Variants in ADAMTS13 observed in about 807,000 individuals in gnomAD.
ADAMTS13 encodes the protein ADAM metallopeptidase with thrombospondin type 1 motif 13, also known as A disintegrin and metalloproteinase with thrombospondin motifs 13.
Under a neutral mutation model 155.1 loss-of-function variants are expected in ADAMTS13, and 110 were observed. That is an observed-to-expected ratio of 0.71 (90% CI 0.61 to 0.83). ADAMTS13 has a LOEUF of 0.83. Among genes scored for constraint, ADAMTS13 ranks in the 40% least tolerant of loss-of-function variants. The pLI is 0.00. For missense variants in ADAMTS13, 1,707 were observed against 1,891.7 expected (o/e 0.90, Z 1.81); for synonymous variants, 758 against 756.4 (o/e 1.00, Z -0.03).
At position 133,438,382 on chromosome 9, in the gene ADAMTS13, C is replaced by G. The variant is rs200427412; in HGVS notation, c.1705+16C>G. 805 of 1,613,226 alleles carry G rather than the reference C, an allele frequency of 5.0e-4. 3 individuals are homozygous for G. The highest frequency in any genetic ancestry group is 5.0e-3 in the African/African-American group (374 of 75,018). ...AGAGCGAGAGGTAGGCGGCCTCCCT[C>G]GGGGCAGAGGCTGGGCTTCCCCCAG... On this transcript the variant is annotated intron_variant, in intron 14 of 28. Coordinates refer to ENST00000355699, the MANE Select transcript of ADAMTS13 (RefSeq NM_139027.6).
intron 21 of ADAMTS13, among the ~76,000 whole-genome samples, chr9:133,447,703 C>T (rs1223984090): frequency 1.3e-5 from 2 of 151,990 alleles, no homozygotes; most frequent in African/African-American, 4.8e-5. Flanking sequence ...ATTCTCATGC[C>T]TCAGCCTCCT....
In ADAMTS13 at chr9:133,454,304, G is replaced by A. The variant is rs145798616; in HGVS notation, c.3045-111G>A. On this transcript the variant is annotated intron_variant, in intron 23 of 28. Coordinates refer to ENST00000355699, the MANE Select transcript of ADAMTS13 (RefSeq NM_139027.6). Reference sequence around the variant, plus strand: ...TGCACTTTCCATCTTGCCTGGCCACGGAAGCTGTCTAGGCAACTGTCCGAG... The same window carrying A: ...TGCACTTTCCATCTTGCCTGGCCACAGAAGCTGTCTAGGCAACTGTCCGAG... 1.0e-3 allele frequency: 1,380 copies of A among 1,333,378 alleles called. 2 individuals are homozygous for A. Among genetic ancestry groups the A allele is most frequent in the Non-Finnish European group, 1.3e-3 (1,210 of 939,864 alleles). 82.6% of individuals were successfully genotyped at this position (1,333,378 alleles called of 1,614,324 possible).
At chr9:133,415,586 A>G (rs1056239973) in intron 1 of ADAMTS13, 1 of 152,886 alleles carries the variant, frequency 6.5e-6, no homozygotes, top group Non-Finnish European at 1.5e-5. Flanking sequence ...CTTAGAGCCC[A>G]GCTTCCTCCC....
chr9:133,442,832 G>A, intron 18 of ADAMTS13, 89 bp downstream of exon 18: 2 of 1,499,984 alleles, frequency 1.3e-6, no homozygotes, highest in Admixed American at 2.1e-5. Context: ...TGGGGCCCAT[G>A]TGGCAGGGCC....
intron 1 of ADAMTS13, among the ~76,000 whole-genome samples, chr9:133,416,054 GA>G (rs1839576733): frequency 6.6e-6 from 1 of 152,136 alleles, no homozygotes; most frequent in Non-Finnish European, 1.5e-5. Flanking sequence ...AATTTATAAA[GA>G]AAAAACGTTT....
rs1020757396 is a variant in ADAMTS13 at position 133,422,690 on chromosome 9, T to C, written c.105+142T>C. The C allele has an allele frequency of 8.0e-5, 63 of 791,366 alleles. No individual in the cohort carries two copies. The East Asian group carries it at 1.5e-3, about 18-fold the overall frequency. The allele number at this position is 791,366 out of a possible 1,614,324, so 49.0% of individuals were successfully genotyped here. A position where few individuals can be genotyped will look rare whatever the true frequency, so the allele number is the denominator to read the frequency against. On this transcript the variant is annotated intron_variant, in intron 1 of 28. Transcript: ENST00000355699. ...GGGCAGGGGAGTCTGTACTTGGGGC[T>C]TTGGGGGATGAAGTGTGCTCACTGA... is the stretch of plus-strand genomic sequence containing the variant.
At position 133,445,898 on chromosome 9, in the gene ADAMTS13, A is replaced by G; in HGVS notation, c.2731+79A>G. 6.7e-7 allele frequency: 1 copy of G among 1,499,776 alleles called. No homozygotes were observed. The highest frequency in any genetic ancestry group is 8.9e-7 in the Non-Finnish European group (1 of 1,124,930). The allele number at this position is 1,499,776 out of a possible 1,614,324, so 92.9% of individuals were successfully genotyped here. A position where few individuals can be genotyped will look rare whatever the true frequency, so the allele number is the denominator to read the frequency against. On this transcript the variant is annotated intron_variant, in intron 21 of 28. Transcript: ENST00000355699. The surrounding 1 kb of genome is among the most constrained non-coding windows in gnomAD (Gnocchi z 5.0). ...CCACTTGCATCTTGCCTCGTTCTGA[A>G]AAGCATTTGAGGTGGATTGCAGAAA...
At chr9:133,437,655 T>A (rs1841336585) in intron 12 of ADAMTS13, 94 bp from the exon 13 acceptor site, 28 of 1,462,030 alleles carry the variant, frequency 1.9e-5, no homozygotes, top group Non-Finnish European at 2.5e-5. Flanking sequence ...ATAGAAACCC[T>A]TGCCCCAGAT....
At position 133,459,257 on chromosome 9, in the gene ADAMTS13, CT is replaced by C; in HGVS notation, c.*82del. ...TGGTCTCAGTGCTTTCCAATTCGAACTTTTTCCAATCTTAGGTATCTACTTT... is the reference window on the plus strand; with the variant it reads ...TGGTCTCAGTGCTTTCCAATTCGAACTTTTCCAATCTTAGGTATCTACTTT... On this transcript the variant is annotated 3_prime_UTR_variant, in exon 29 of 29. Coordinates refer to ENST00000355699, the MANE Select transcript of ADAMTS13 (RefSeq NM_139027.6). The C allele has an allele frequency of 7.1e-7, 1 of 1,403,296 alleles. No homozygotes were observed. Among genetic ancestry groups the C allele is most frequent in the Non-Finnish European group, 9.9e-7 (1 of 1,014,830 alleles). The allele number at this position is 1,403,296 out of a possible 1,614,324, so 86.9% of individuals were successfully genotyped here.
Position 133,430,017 on chromosome 9 carries a change from T to C in ADAMTS13, c.903T>C (p.Pro301=), listed in dbSNP as rs377143536. 18 of 1,588,012 alleles carry C rather than the reference T, an allele frequency of 1.1e-5. No individual in the cohort carries two copies. In the African/African-American group the frequency reaches 2.3e-4, roughly 20 times the overall value. The change falls in exon 8 of 29, where the codon CCT becomes CCC. Residue 301 remains proline, a synonymous_variant. Coordinates refer to ENST00000355699, the MANE Select transcript of ADAMTS13 (RefSeq NM_139027.6). ...GSAGHPPDAQ[P]GLYYSANEQC... ...CGGGGCACCCGCCGGATGCGCAGCC[T>C]GGCCTCTACTACAGCGCCAACGAGC...
intron 28 of ADAMTS13, 108 bp downstream of exon 28, chr9:133,458,202 C>A: frequency 1.5e-6 from 2 of 1,321,864 alleles, no homozygotes; most frequent in South Asian, 1.3e-5. Flanking sequence ...CCCTCAAAAT[C>A]ATTAGTGAAA....
In ADAMTS13 at chr9:133,442,481, A is replaced by G; in HGVS notation, c.2051A>G (p.Gln684Arg). 1 of 1,613,768 alleles carries G rather than the reference A, an allele frequency of 6.2e-7. No individual in the cohort carries two copies. Among genetic ancestry groups the G allele is most frequent in the African/African-American group, 1.3e-5 (1 of 75,060 alleles). Residue 684 changes from glutamine to arginine, a missense_variant, in exon 17 of 29, where the codon CAG (glutamine) becomes CGG (arginine). Physicochemically the swap from Gln to Arg is conservative, Grantham distance 43. This residue lies in a region of ADAMTS13 where 961 missense variants were observed against 1,107.9 expected (regional missense o/e 0.87). Coordinates refer to ENST00000355699, the MANE Select transcript of ADAMTS13 (RefSeq NM_139027.6). ...ACCTACTTCCAGCCTAAGCCACGGC[A>G]GGCCTGGGTGTGGGCCGCTGTGCGT... ...TFTYFQPKPR[Q>R]AWVWAAVRGP...
rs781935196 is a variant in ADAMTS13, at chr9:133,425,065, C to T, written c.331-464C>T. Among the ~76,000 whole-genome samples the T allele has an allele frequency of 7.2e-5, 11 of 152,224 alleles. No individual in the cohort carries two copies. Among genetic ancestry groups the T allele is most frequent in the Non-Finnish European group, 1.5e-4 (10 of 68,048 alleles). ...CAAGGCCAGGCGCGGTGGCTCATGC[C>T]TATAATCCCAGCACTTTGGGAGGCC... On this transcript the variant is annotated intron_variant, in intron 3 of 28. Transcript: ENST00000355699. This position sits in a 1 kb window ranked among gnomAD's most constrained non-coding sequence, Gnocchi z 4.6.
At position 133,456,611 on chromosome 9, in the gene ADAMTS13, T is replaced by C. The variant is rs1554796113; in HGVS notation, c.3616T>C (p.Phe1206Leu). ...KMCRKLLDMTFSSKTNTLVVR... is the reference protein window; with the variant it reads ...KMCRKLLDMTLSSKTNTLVVR... ...GTGCAGGAAGCTGTTGGACATGACT[T>C]TCAGCTCCAAGACCAACACGCTGGT... Residue 1206 changes from phenylalanine to leucine, a missense_variant, in exon 27 of 29, where the codon TTC (phenylalanine) becomes CTC (leucine). Transcript: ENST00000355699. The surrounding 1 kb of genome is among the most constrained non-coding windows in gnomAD (Gnocchi z 4.4). The C allele has an allele frequency of 1.2e-6, 2 of 1,612,952 alleles. No individual in the cohort carries two copies. Among genetic ancestry groups the C allele is most frequent in the Admixed American group, 3.3e-5 (2 of 59,920 alleles).
chr9:133,420,471 C>T (rs959416848), upstream of ADAMTS13, among the ~76,000 whole-genome samples: 2 of 152,222 alleles, frequency 1.3e-5, no homozygotes, highest in Admixed American at 6.5e-5. Flanking sequence ...AGAAAGAGGT[C>T]GTCTTTTGTA....
At chr9:133,438,910 C>CG (rs1311281495) in intron 14 of ADAMTS13, among the ~76,000 whole-genome samples, 2 of 111,242 alleles carry the variant, frequency 1.8e-5, no homozygotes, top group African/African-American at 6.6e-5. Context: ...GACACTGTCT[C>CG]AAAAAAAAAA....
chr9:133,455,993 C>T lies in ADAMTS13; in HGVS notation c.3401-76C>T, dbSNP rs1842718378. 1.9e-6 allele frequency: 3 copies of T among 1,599,152 alleles called. No homozygotes were observed. In the South Asian group the frequency reaches 3.3e-5, roughly 18 times the overall value. On this transcript the variant is annotated intron_variant, in intron 25 of 28. Transcript: ENST00000355699. Reference sequence around the variant, plus strand: ...ACCCCTACCTCCTGGTCTCCTTCCTCAGCTTGGAAGCCCCGGAGCCTGCCC... The same window carrying T: ...ACCCCTACCTCCTGGTCTCCTTCCTTAGCTTGGAAGCCCCGGAGCCTGCCC...
chr9:133,425,815 C>G lies in ADAMTS13; in HGVS notation c.415-123C>G, dbSNP rs1311069464. The G allele has an allele frequency of 6.6e-7, 1 of 1,517,714 alleles. No homozygotes were observed. Among genetic ancestry groups the G allele is most frequent in the Non-Finnish European group, 8.9e-7 (1 of 1,124,336 alleles). 94.0% of individuals were successfully genotyped at this position (1,517,714 alleles called of 1,614,324 possible). ...GACTACTTCTCTGAGCCTCAGTTGT[C>G]TCATCCCTAACACGGGCTAGTCATA... On this transcript the variant is annotated intron_variant, in intron 4 of 28. Coordinates refer to ENST00000355699, the MANE Select transcript of ADAMTS13 (RefSeq NM_139027.6). This position sits in a 1 kb window ranked among gnomAD's most constrained non-coding sequence, Gnocchi z 4.6.
At position 133,439,429 on chromosome 9, in the gene ADAMTS13, C is replaced by T. The variant is rs1554790056; in HGVS notation, c.1769C>T (p.Pro590Leu). The T allele has an allele frequency of 5.0e-6, 8 of 1,613,936 alleles. No individual in the cohort carries two copies. Among genetic ancestry groups the T allele is most frequent in the African/African-American group, 1.3e-5 (1 of 74,950 alleles). Residue 590 changes from proline (P) to leucine (L), a missense_variant, in exon 15 of 29, where the codon CCT becomes CTT. By Grantham distance (98) the Pro-to-Leu change is moderately conservative. Around this residue, in one of 3 missense-constraint regions of ADAMTS13, gnomAD observed 961 missense variants for 1,107.9 expected, o/e 0.87. Coordinates refer to ENST00000355699, the MANE Select transcript of ADAMTS13 (RefSeq NM_139027.6). Reference protein sequence around the residue: ...LTSVYIANHRPLFTHLAVRIG... With the variant: ...LTSVYIANHRLLFTHLAVRIG... ...AGTGTCTACATTGCCAACCACAGGC[C>T]TCTCTTCACACACTTGGGTGAGTTG...
Sources: gnomAD v4.1 joint callset for allele counts (sites outside exome capture counted in the v4.1 genomes callset) on GRCh38, gnomAD v4.1.1 for gene constraint, gnomAD v4.1.1 regional missense constraint, Gnocchi (gnomAD v3.1) non-coding constraint, MANE v1.5 for transcripts, NCBI Gene and HGNC (gene_info 2026-07-23, HGNC 2026-07-21) for gene names.